Variants in TENM2 observed in about 807,000 individuals in gnomAD.
The protein encoded by TENM2 is teneurin-2.
TENM2 carries 52 observed loss-of-function variants against 245.2 expected under a neutral mutation model. The ratio of observed to expected loss-of-function variants is 0.21; its 90% CI spans 0.17 to 0.27. The LOEUF is 0.27. TENM2 is among the 10% of genes least tolerant of loss of function. The pLI, the probability that TENM2 is intolerant of heterozygous loss-of-function variation, is 1.00. For missense variants in TENM2, 3,046 were observed against 3,666.8 expected (o/e 0.83, Z 4.37); for synonymous variants, 1,363 against 1,438.9 (o/e 0.95, Z 1.19).
At chr5:168,068,584 G>GGA (rs1362971609) in intron 7 of TENM2, among the ~76,000 whole-genome samples, 1 of 152,002 alleles carries the variant, frequency 6.6e-6, no homozygotes, top group East Asian at 1.9e-4. Flanking sequence ...ATATCCAGAG[G>GGA]GAGAGAGAGA....
the TENM2 span, among the ~76,000 whole-genome samples, chr5:166,986,771 A>G: frequency 6.6e-6 from 1 of 152,202 alleles, no homozygotes; most frequent in Admixed American, 6.5e-5. Flanking sequence ...GTGAATTGCC[A>G]TTTATTTGTA....
At chr5:167,616,039 G>C (rs1477933130) in intron 2 of TENM2, among the ~76,000 whole-genome samples, 1 of 152,164 alleles carries the variant, frequency 6.6e-6, no homozygotes, top group Non-Finnish European at 1.5e-5. Flanking sequence ...CATCAATGCT[G>C]TTTGTTTTGG....
At chr5:167,739,782 G>C (rs1761048280) in intron 2 of TENM2, among the ~76,000 whole-genome samples, 1 of 152,158 alleles carries the variant, frequency 6.6e-6, no homozygotes, top group Admixed American at 6.5e-5. Flanking sequence ...TTCCACTGAT[G>C]TTTCCCATTC....
At chr5:167,462,221 C>T (rs1475830903) in intron 2 of TENM2, among the ~76,000 whole-genome samples, 2 of 114,368 alleles carry the variant, frequency 1.7e-5, no homozygotes, top group African/African-American at 6.8e-5. Context: ...AGGGGTATAA[C>T]TTGTCTGTTT....
At chr5:167,986,893 T>TTCATTTTA (rs1783289475) in intron 4 of TENM2, among the ~76,000 whole-genome samples, 1 of 152,206 alleles carries the variant, frequency 6.6e-6, no homozygotes. Flanking sequence ...AACCATTACC[T>TTCATTTTA]TGTGGGTCTT....
the TENM2 span, among the ~76,000 whole-genome samples, chr5:167,246,816 A>G: frequency 6.6e-6 from 1 of 151,880 alleles, no homozygotes; most frequent in African/African-American, 2.4e-5. Context: ...ACTTTTGGGT[A>G]GGAATGGCCA....
At chr5:167,534,488 C>T (rs990894083) in intron 2 of TENM2, among the ~76,000 whole-genome samples, 1 of 152,130 alleles carries the variant, frequency 6.6e-6, no homozygotes. Flanking sequence ...AACAAGTAAT[C>T]TTTTTTAGCA....
intron 9 of TENM2, 42 bp from the exon 12 acceptor site, chr5:168,118,250 C>G (rs772358436): frequency 6.9e-7 from 1 of 1,443,924 alleles, no homozygotes; most frequent in South Asian, 1.6e-5. Flanking sequence ...CCCTCGGATG[C>G]TGGCCCTTCG....
intron 2 of TENM2, among the ~76,000 whole-genome samples, chr5:167,379,520 A>T (rs183741300): frequency 5.3e-5 from 8 of 152,252 alleles, no homozygotes. Flanking sequence ...CTAGCATTGG[A>T]GCGTTTCTTA....
At chr5:167,816,577 G>C (rs1170681291) in intron 2 of TENM2, among the ~76,000 whole-genome samples, 1 of 152,170 alleles carries the variant, frequency 6.6e-6, no homozygotes, top group Non-Finnish European at 1.5e-5. Flanking sequence ...GTGTTGGAAG[G>C]AGTGATAGTT....
chr5:167,730,997 A>C (rs575788914), intron 2 of TENM2, among the ~76,000 whole-genome samples: 1 of 152,268 alleles, frequency 6.6e-6, no homozygotes, highest in South Asian at 2.1e-4. Flanking sequence ...CCTAGGATGC[A>C]CCTAGTTTTA....
At chr5:167,744,691 T>G (rs1761433693) in intron 2 of TENM2, among the ~76,000 whole-genome samples, 1 of 152,232 alleles carries the variant, frequency 6.6e-6, no homozygotes, top group Non-Finnish European at 1.5e-5. Flanking sequence ...CAAGACACCC[T>G]CAGAGAAGGG....
At chr5:167,827,628 CG>C (rs386405597) in intron 2 of TENM2, among the ~76,000 whole-genome samples, 26 of 34,232 alleles carry the variant, frequency 7.6e-4, no homozygotes, top group East Asian at 4.0e-3. Flanking sequence ...GCTAGGTGGG[CG>C]GGGGGGGGGG....
exon 19 of TENM2, chr5:168,204,528 C>T: frequency 6.2e-7 from 1 of 1,614,034 alleles, no homozygotes. Flanking sequence ...GTGGCTCTGG[C>T]TGTTGGAATC....
intron 2 of TENM2, among the ~76,000 whole-genome samples, chr5:167,872,497 AAAG>A (rs1561880997): frequency 5.4e-4 from 6 of 11,022 alleles, no homozygotes; most frequent in African/African-American, 7.4e-4. Flanking sequence ...AGAAAGAAAG[AAAG>A]AAAGAAAGAA....
At chr5:167,089,988 T>C in the TENM2 span, among the ~76,000 whole-genome samples, 18 of 152,114 alleles carry the variant, frequency 1.2e-4, no homozygotes, top group African/African-American at 4.3e-4. Flanking sequence ...TTGTAGAGGA[T>C]TGACAGAAGA....
chr5:168,248,766 T>G (rs568200534), intron 27 of TENM2, among the ~76,000 whole-genome samples: 1 of 152,318 alleles, frequency 6.6e-6, no homozygotes, highest in African/African-American at 2.4e-5. Context: ...GAACTATAGT[T>G]TCCTTCCCTG....
intron 1 of TENM2, among the ~76,000 whole-genome samples, chr5:167,370,573 T>C (rs1043502044): frequency 2.6e-5 from 4 of 152,200 alleles, no homozygotes; most frequent in Admixed American, 6.5e-5. Flanking sequence ...TTGCATGTAA[T>C]CGTTTATCTA....
the TENM2 span, among the ~76,000 whole-genome samples, chr5:167,093,549 C>T: frequency 4.6e-5 from 7 of 152,108 alleles, no homozygotes; most frequent in African/African-American, 7.2e-5. Context: ...GGGCTAGTCG[C>T]GACAGCATAT....
Sources: gnomAD v4.1 joint callset for allele counts (sites outside exome capture counted in the v4.1 genomes callset) on GRCh38, gnomAD v4.1.1 for gene constraint, MANE v1.5 for transcripts, NCBI Gene and HGNC (gene_info 2026-07-23, HGNC 2026-07-21) for gene names.